EPHA3: variants seen among roughly 807,000 people sequenced by gnomAD.
The protein encoded by EPHA3 is ephrin type-A receptor 3.
EPHA3 carries 42 observed loss-of-function variants against 107.1 expected under a neutral mutation model. The ratio of observed to expected loss-of-function variants is 0.39; its 90% CI spans 0.31 to 0.51. The LOEUF is 0.51. Ranked by LOEUF, EPHA3 falls within the 20% of genes least tolerant of loss-of-function variation. The pLI, the probability that EPHA3 is intolerant of heterozygous loss-of-function variation, is 0.78. For synonymous variants in EPHA3, 461 were observed against 424.8 expected (o/e 1.09, Z -1.05); for missense variants, 1,183 against 1,211.2 (o/e 0.98, Z 0.35).
chr3:89,318,513 G>T (rs1047196531), intron 3 of EPHA3, among the ~76,000 whole-genome samples: 4 of 151,562 alleles, frequency 2.6e-5, no homozygotes, highest in Admixed American at 1.3e-4. Flanking sequence ...AAATCTTTCC[G>T]GTATCCTGGC....
Position 89,481,412 on chromosome 3 carries a change from C to T in EPHA3, c.*1910C>T, listed in dbSNP as rs372908121. 85 of 232,216 alleles carry T rather than the reference C, an allele frequency of 3.7e-4. No individual in the cohort carries two copies. Among genetic ancestry groups the T allele is most frequent in the African/African-American group, 1.6e-3 (71 of 45,422 alleles). 14.4% of individuals were successfully genotyped at this position (232,216 alleles called of 1,614,324 possible). On this transcript the variant is annotated 3_prime_UTR_variant, in exon 17 of 17. Coordinates refer to ENST00000336596, the MANE Select transcript of EPHA3 (RefSeq NM_005233.6). ...CACAAATTTCACTTATACCTGCTAT[C>T]AGCAGCTAGAAAACATTTTTTTTTT...
chr3:89,389,264 G>A (rs1708679905), intron 5 of EPHA3, among the ~76,000 whole-genome samples: 1 of 152,130 alleles, frequency 6.6e-6, no homozygotes, highest in Admixed American at 6.6e-5. Context: ...AGATTTAACA[G>A]AAGTGTTCAC....
At chr3:89,316,275 T>A (rs1706897119) in intron 3 of EPHA3, among the ~76,000 whole-genome samples, 1 of 151,390 alleles carries the variant, frequency 6.6e-6, no homozygotes, top group Admixed American at 6.6e-5. Context: ...CTATTTCCCA[T>A]CCATATTGCC....
chr3:89,477,260 C>T (rs1309524829), intron 16 of EPHA3, among the ~76,000 whole-genome samples: 1 of 152,138 alleles, frequency 6.6e-6, no homozygotes, highest in East Asian at 1.9e-4. Flanking sequence ...CATTCCCATA[C>T]ATCCCCACTA....
chr3:89,389,486 T>C (rs1708683802), intron 5 of EPHA3, among the ~76,000 whole-genome samples: 1 of 152,202 alleles, frequency 6.6e-6, no homozygotes, highest in South Asian at 2.1e-4. Flanking sequence ...TACTTTAACT[T>C]GTCCAATCTC....
intron 11 of EPHA3, 98 bp from the exon 12 acceptor site, chr3:89,429,008 T>A (rs1709509283): frequency 1.4e-6 from 1 of 717,360 alleles, no homozygotes; most frequent in East Asian, 3.2e-5. Flanking sequence ...AGTTCTTACA[T>A]CTCTATAATC....
chr3:89,356,247 G>T (rs942507434), intron 5 of EPHA3, among the ~76,000 whole-genome samples: 4 of 150,594 alleles, frequency 2.7e-5, no homozygotes, highest in African/African-American at 9.7e-5. Context: ...TGGACATTTG[G>T]GTTGGTTCCA....
chr3:89,336,019 G>A (rs1394527053), intron 3 of EPHA3, among the ~76,000 whole-genome samples: 2 of 152,114 alleles, frequency 1.3e-5, no homozygotes, highest in African/African-American at 2.4e-5. Flanking sequence ...CTGGGGCTTT[G>A]TATTTTAAAA....
intron 3 of EPHA3, among the ~76,000 whole-genome samples, chr3:89,333,812 C>T (rs1438473931): frequency 6.6e-6 from 1 of 151,792 alleles, no homozygotes; most frequent in East Asian, 1.9e-4. Flanking sequence ...GCAGAGCTTG[C>T]AGCAAGCCAA....
At chr3:89,356,103 G>A (rs570663745) in intron 5 of EPHA3, among the ~76,000 whole-genome samples, 7 of 148,894 alleles carry the variant, frequency 4.7e-5, no homozygotes, top group South Asian at 2.1e-4. Flanking sequence ...TTGTTCTTGC[G>A]ATAGTTTACT....
At chr3:89,351,110 G>T (rs1242713016) in intron 5 of EPHA3, among the ~76,000 whole-genome samples, 2 of 151,242 alleles carry the variant, frequency 1.3e-5, no homozygotes, top group African/African-American at 4.8e-5. Context: ...GCCTACAGTG[G>T]CAGGCAGGAC....
chr3:89,306,609 A>G (rs1186426555), intron 3 of EPHA3, among the ~76,000 whole-genome samples: 1 of 152,210 alleles, frequency 6.6e-6, no homozygotes, highest in African/African-American at 2.4e-5. Context: ...CAATGGCAGT[A>G]AAATTAATGA....
chr3:89,366,045 A>G (rs1210364522), intron 5 of EPHA3, among the ~76,000 whole-genome samples: 1 of 150,792 alleles, frequency 6.6e-6, no homozygotes, highest in African/African-American at 2.4e-5. Context: ...CACACTAATG[A>G]TAGCCCAAAT....
intron 15 of EPHA3, among the ~76,000 whole-genome samples, chr3:89,452,747 T>C (rs1254681319): frequency 6.6e-6 from 1 of 152,172 alleles, no homozygotes; most frequent in Non-Finnish European, 1.5e-5. Flanking sequence ...TTTGGTGTCA[T>C]CTCTACAAAA....
chr3:89,479,416 G>A lies in EPHA3; in HGVS notation c.2866G>A (p.Val956Ile), dbSNP rs1038500327. 1.9e-6 allele frequency: 3 copies of A among 1,614,064 alleles called. No individual in the cohort carries two copies. The highest frequency in any genetic ancestry group is 1.3e-5 in the African/African-American group (1 of 75,046). Residue 956 changes from valine (V) to isoleucine (I), a missense_variant, in exon 17 of 17, where the codon GTC becomes ATC. Coordinates refer to ENST00000336596, the MANE Select transcript of EPHA3 (RefSeq NM_005233.6). ...ISTDDMKKVG[V>I]TVVGPQKKII... The stretch of plus-strand genomic sequence containing the variant: ...TTACAGTGACATGAAAAAGGTTGGT[G>A]TCACCGTGGTTGGGCCACAGAAGAA...
chr3:89,341,099 T>C lies in EPHA3; in HGVS notation c.970+28T>C, dbSNP rs1312004702. 3 of 1,601,034 alleles carry C rather than the reference T, an allele frequency of 1.9e-6. No individual in the cohort carries two copies. The East Asian group carries it at 6.7e-5, about 36-fold the overall frequency. On this transcript the variant is annotated intron_variant, in intron 4 of 16. Transcript: ENST00000336596. The stretch of plus-strand genomic sequence containing the variant: ...GAGTAGTTTTGCTGCAACCCATGCC[T>C]CCATGTTTGTTTTGTTTTCTTCTTG...
intron 5 of EPHA3, among the ~76,000 whole-genome samples, chr3:89,394,246 A>C (rs2107502180): frequency 6.6e-6 from 1 of 152,222 alleles, no homozygotes; most frequent in African/African-American, 2.4e-5. Flanking sequence ...CTTTGTCTCT[A>C]CAAATAATAA....
intron 2 of EPHA3, among the ~76,000 whole-genome samples, chr3:89,181,120 C>G (rs114981970): frequency 6.6e-6 from 1 of 151,830 alleles, no homozygotes; most frequent in African/African-American, 2.4e-5. Flanking sequence ...AAGTAATCTC[C>G]TAGTTTTATT....
intron 3 of EPHA3, among the ~76,000 whole-genome samples, chr3:89,235,333 T>C (rs1349801414): frequency 2.6e-5 from 4 of 152,166 alleles, no homozygotes; most frequent in Non-Finnish European, 1.5e-5. Flanking sequence ...GACATTCAAA[T>C]AGATGAAACA....
Sources: gnomAD v4.1 joint callset for allele counts (sites outside exome capture counted in the v4.1 genomes callset) on GRCh38, gnomAD v4.1.1 for gene constraint, MANE v1.5 for transcripts, NCBI Gene and HGNC (gene_info 2026-07-23, HGNC 2026-07-21) for gene names.